REC114: variants seen among roughly 807,000 people sequenced by gnomAD.
REC114 encodes the protein meiotic recombination protein REC114.
A neutral mutation model predicts 31.3 loss-of-function variants in REC114; 27 were observed. The ratio of observed to expected loss-of-function variants is 0.86; its 90% CI spans 0.64 to 1.19. The LOEUF is 1.19. Among genes scored for constraint, REC114 ranks in the 50% most tolerant of loss-of-function variants. REC114 has a pLI of 0.00. For synonymous variants in REC114, 134 were observed against 127.7 expected (o/e 1.05, Z -0.33); for missense variants, 344 against 326.9 (o/e 1.05, Z -0.40).
chr15:73,534,142 G>A (rs1894123429), intron 2 of REC114, among the ~76,000 whole-genome samples: 3 of 149,630 alleles, frequency 2.0e-5, no homozygotes, highest in Non-Finnish European at 4.4e-5. Flanking sequence ...AGAAGCAAGA[G>A]CAAACACATT....
At chr15:73,557,403 T>TATC (rs1894484995) in intron 5 of REC114, among the ~76,000 whole-genome samples, 1 of 141,568 alleles carries the variant, frequency 7.1e-6, no homozygotes, top group South Asian at 2.2e-4. Flanking sequence ...TAAACTGTAC[T>TATC]ATCAGTAGTT....
chr15:73,481,858 A>C (rs574998598), intron 2 of REC114, among the ~76,000 whole-genome samples: 74 of 151,810 alleles, frequency 4.9e-4, no homozygotes, highest in African/African-American at 1.6e-3. Flanking sequence ...ATGGGGTTTC[A>C]CCATGTTGGT....
intron 1 of REC114, among the ~76,000 whole-genome samples, chr15:73,456,140 A>G (rs1358063493): frequency 1.3e-5 from 2 of 152,204 alleles, no homozygotes; most frequent in Non-Finnish European, 2.9e-5. Context: ...CTGTTGGCTC[A>G]GCCTTTCTGA....
At chr15:73,555,434 C>T (rs11854774) in intron 4 of REC114, among the ~76,000 whole-genome samples, 16,431 of 152,166 alleles carry the variant, frequency 0.11, 1,149 homozygotes, top group African/African-American at 0.19. Context: ...ATTCCATTTG[C>T]CTGGAAAGCA....
chr15:73,523,632 T>C (rs1893966247), intron 2 of REC114, among the ~76,000 whole-genome samples: 1 of 152,226 alleles, frequency 6.6e-6, no homozygotes. Flanking sequence ...GTGAATACTT[T>C]TTCTTAATCT....
intron 2 of REC114, among the ~76,000 whole-genome samples, chr15:73,524,444 T>G (rs1893978908): frequency 6.6e-6 from 1 of 152,168 alleles, no homozygotes; most frequent in Non-Finnish European, 1.5e-5. Flanking sequence ...GATCAATGAT[T>G]AACAGTACAA....
chr15:73,471,689 A>G (rs1231575616), intron 1 of REC114, among the ~76,000 whole-genome samples: 1 of 152,168 alleles, frequency 6.6e-6, no homozygotes, highest in East Asian at 1.9e-4. Flanking sequence ...CTTTATAGTG[A>G]GTGTTTCTAT....
intron 1 of REC114, among the ~76,000 whole-genome samples, chr15:73,459,915 A>T (rs1892966619): frequency 6.6e-6 from 1 of 152,208 alleles, no homozygotes; most frequent in African/African-American, 2.4e-5. Context: ...TTTGGGGGTT[A>T]ATTTCTGCAG....
intron 2 of REC114, among the ~76,000 whole-genome samples, chr15:73,497,590 C>T (rs529925265): frequency 2.0e-5 from 3 of 152,270 alleles, no homozygotes; most frequent in Non-Finnish European, 4.4e-5. Context: ...ACTATTGTTA[C>T]CCTGAGTGCC....
At chr15:73,499,241 C>T (rs1415269807) in intron 2 of REC114, among the ~76,000 whole-genome samples, 2 of 151,862 alleles carry the variant, frequency 1.3e-5, no homozygotes, top group Non-Finnish European at 2.9e-5. Context: ...AGTGCAATTA[C>T]TTTTGCACCA....
At chr15:73,515,933 G>A (rs974133743) in intron 2 of REC114, among the ~76,000 whole-genome samples, 2 of 151,842 alleles carry the variant, frequency 1.3e-5, no homozygotes, top group Non-Finnish European at 2.9e-5. Flanking sequence ...TATATTTTGC[G>A]CATAATCCAT....
In REC114 at chr15:73,513,013, T is replaced by G. The variant is rs1482168930; in HGVS notation, c.250-27472T>G. Among the ~76,000 whole-genome samples, 8 of 151,496 alleles carry G rather than the reference T, an allele frequency of 5.3e-5. No homozygotes were observed. The East Asian group carries it at 1.6e-3, about 29-fold the overall frequency. On this transcript the variant is annotated intron_variant, in intron 2 of 5. Transcript: ENST00000331090. The stretch of plus-strand genomic sequence containing the variant: ...GCCTGCCTTGCTAGATTGGGGAAGT[T>G]CTCCTGGATAATATCCTACAGAGTG...
chr15:73,453,974 G>C (rs948869140), intron 1 of REC114, among the ~76,000 whole-genome samples: 3 of 151,426 alleles, frequency 2.0e-5, no homozygotes, highest in Non-Finnish European at 4.4e-5. Flanking sequence ...GTAGGGGAGT[G>C]GGGGGCTGGG....
chr15:73,487,607 G>A (rs1427542796), intron 2 of REC114, among the ~76,000 whole-genome samples: 1 of 152,214 alleles, frequency 6.6e-6, no homozygotes, highest in Non-Finnish European at 1.5e-5. Flanking sequence ...TGGGCTCCAA[G>A]GGCCTGGAAG....
chr15:73,502,162 A>AC (rs1474429516), intron 2 of REC114, among the ~76,000 whole-genome samples: 5 of 151,950 alleles, frequency 3.3e-5, no homozygotes, highest in South Asian at 4.2e-4. Context: ...CTCTTAAAAA[A>AC]AAAAAAATGA....
chr15:73,501,635 G>T (rs1265845758), intron 2 of REC114, among the ~76,000 whole-genome samples: 1 of 152,070 alleles, frequency 6.6e-6, no homozygotes, highest in African/African-American at 2.4e-5. Flanking sequence ...AGTAGAGCTG[G>T]GGTTTCGTCA....
At position 73,443,227 on chromosome 15, in the gene REC114, CGGA is replaced by C; in HGVS notation, c.47_49del (p.Gly16del). The stretch of plus-strand genomic sequence containing the variant: ...AAGTGCCCTTGAGCCTCGGGCTTAC[CGGA>C]GGAGAAGCGGCAGAGTGGCCTCTGC... On this transcript the variant is annotated inframe_deletion, in exon 1 of 6. Coordinates refer to ENST00000331090, the MANE Select transcript of REC114 (RefSeq NM_001042367.2). 6.3e-7 allele frequency: 1 copy of C among 1,575,942 alleles called. No individual in the cohort carries two copies. Among genetic ancestry groups the C allele is most frequent in the Non-Finnish European group, 8.6e-7 (1 of 1,161,796 alleles).
intron 2 of REC114, among the ~76,000 whole-genome samples, chr15:73,529,657 AAAAT>A (rs1894050690): frequency 6.6e-6 from 1 of 152,208 alleles, no homozygotes; most frequent in African/African-American, 2.4e-5. Context: ...CTTAGAGTTT[AAAAT>A]AAATCAGTTA....
chr15:73,543,387 C>T (rs1244288734), intron 3 of REC114, among the ~76,000 whole-genome samples: 1 of 152,084 alleles, frequency 6.6e-6, no homozygotes, highest in Non-Finnish European at 1.5e-5. Flanking sequence ...GGCTGGAGTG[C>T]AATGGCGTGA....
Sources: allele counts gnomAD v4.1 joint callset (sites outside exome capture counted in the v4.1 genomes callset), GRCh38; gene constraint gnomAD v4.1.1; transcripts MANE v1.5; gene names NCBI Gene and HGNC (gene_info 2026-07-23, HGNC 2026-07-21).